The following ST8SIA2 variants were observed in gnomAD, a reference collection of about 807,000 sequenced individuals.
ST8SIA2 encodes the protein ST8 alpha-N-acetyl-neuraminide alpha-2,8-sialyltransferase 2.
A neutral mutation model predicts 37.6 loss-of-function variants in ST8SIA2; 22 were observed. The ratio of observed to expected loss-of-function variants is 0.58; its 90% CI spans 0.42 to 0.83. The LOEUF (loss-of-function observed/expected upper bound fraction) is 0.83. ST8SIA2 is among the 40% of genes least tolerant of loss of function. The probability of loss-of-function intolerance (pLI) is 0.00; values close to 1 mark genes in which losing one functional copy is unlikely to be tolerated. For synonymous variants in ST8SIA2, 205 were observed against 201.2 expected (o/e 1.02, Z -0.16); for missense variants, 382 against 484.7 (o/e 0.79, Z 1.99).
At chr15:92,444,543 A>G in intron 4 of ST8SIA2, 93 bp from the exon 5 acceptor site, 1 of 1,524,462 alleles carries the variant, frequency 6.6e-7, no homozygotes, top group Admixed American at 1.7e-5. Context: ...GGGATGAGAA[A>G]GAAGCAAGGA....
intron 1 of ST8SIA2, among the ~76,000 whole-genome samples, chr15:92,421,993 A>T (rs1421057867): frequency 6.6e-6 from 1 of 152,214 alleles, no homozygotes; most frequent in African/African-American, 2.4e-5. Context: ...ACTATAGCTT[A>T]AATTTTGTCA....
chr15:92,438,708 C>T (rs1383603601), intron 4 of ST8SIA2, 98 bp downstream of exon 4: 40 of 1,443,916 alleles, frequency 2.8e-5, no homozygotes, highest in Middle Eastern at 4.7e-4. Context: ...AACAAGAGGC[C>T]CTGGTGGAGT....
At chr15:92,464,018 G>A in intron 5 of ST8SIA2, 82 bp from the exon 6 acceptor site, 7 of 1,502,570 alleles carry the variant, frequency 4.7e-6, no homozygotes, top group Non-Finnish European at 6.2e-6. Context: ...CTGCTGGGCA[G>A]GATAAAATTT....
At chr15:92,410,794 G>A (rs1393385144) in intron 1 of ST8SIA2, among the ~76,000 whole-genome samples, 1 of 152,144 alleles carries the variant, frequency 6.6e-6, no homozygotes, top group East Asian at 1.9e-4. Context: ...CCTACCGTAG[G>A]AGCTCCAAAG....
In ST8SIA2 at chr15:92,438,484, A is replaced by T. The variant is rs1453743305; in HGVS notation, c.422A>T (p.Glu141Val). 6.2e-7 allele frequency: 1 copy of T among 1,614,166 alleles called. No homozygotes were observed. The highest frequency in any genetic ancestry group is 1.1e-5 in the South Asian group (1 of 91,080). ...STMNVSQNLY[E>V]LLPRTSPLKN... The stretch of plus-strand genomic sequence containing the variant: ...ATGAATGTGTCCCAGAACCTCTACG[A>T]GCTCCTCCCCAGGACTTCGCCACTG... Residue 141 changes from glutamate to valine, a missense_variant, in exon 4 of 6, where the codon GAG (glutamate) becomes GTG (valine). Physicochemically the swap from Glu to Val is moderately radical, Grantham distance 121. Transcript: ENST00000268164.
rs1390978740 is a variant in ST8SIA2, at chr15:92,467,800, C to G, written c.*3415C>G. 1 of 152,972 alleles carries G rather than the reference C, an allele frequency of 6.5e-6. No individual in the cohort carries two copies. Among genetic ancestry groups the G allele is most frequent in the Non-Finnish European group, 1.5e-5 (1 of 68,522 alleles). 9.5% of individuals were successfully genotyped at this position (152,972 alleles called of 1,614,324 possible). A position where few individuals can be genotyped will look rare whatever the true frequency, so the allele number is the denominator to read the frequency against. ...AGCAACCTCACACCTGCCTTCAGAC[C>G]CGGCTGCAACTTCCTAAGCTGCCCC... On this transcript the variant is annotated 3_prime_UTR_variant, in exon 6 of 6. Transcript: ENST00000268164.
chr15:92,444,493 G>C (rs981980949), intron 4 of ST8SIA2, 143 bp from the exon 5 acceptor site: 2 of 926,312 alleles, frequency 2.2e-6, no homozygotes, highest in African/African-American at 1.6e-5. Context: ...ATGATGGGAG[G>C]GGCCTGTGAG....
intron 5 of ST8SIA2, among the ~76,000 whole-genome samples, chr15:92,449,622 T>C (rs983190486): frequency 6.6e-6 from 1 of 152,234 alleles, no homozygotes; most frequent in Non-Finnish European, 1.5e-5. Flanking sequence ...ATCCCAACAA[T>C]ATATAAGCAT....
rs1596253925 is a variant in ST8SIA2, at chr15:92,466,033, A to G, written c.*1648A>G. On this transcript the variant is annotated 3_prime_UTR_variant, in exon 6 of 6. Transcript: ENST00000268164. The stretch of plus-strand genomic sequence containing the variant: ...CCTGCTCCTAAGCATATGAGACCAG[A>G]TGTAATTAATCAATGGCAATGCAGA... 1 of 152,210 alleles carries G rather than the reference A, an allele frequency of 6.6e-6. No homozygotes were observed. The highest frequency in any genetic ancestry group is 1.5e-5 in the Non-Finnish European group (1 of 68,042). 9.4% of individuals were successfully genotyped at this position (152,210 alleles called of 1,614,324 possible).
chr15:92,438,730 C>G (rs747226015), intron 4 of ST8SIA2, 120 bp downstream of exon 4: 1 of 1,365,748 alleles, frequency 7.3e-7, no homozygotes, highest in South Asian at 1.5e-5. Flanking sequence ...AGCCCCTGCT[C>G]TCAACCATGA....
In ST8SIA2 at chr15:92,464,485, G is replaced by A; in HGVS notation, c.*100G>A. On this transcript the variant is annotated 3_prime_UTR_variant, in exon 6 of 6. Transcript: ENST00000268164. ...CACAAACAATAGAACAAGCAGGCTA[G>A]TGGTTTTCTTTGTTAAAGTGTAAAA... is the stretch of plus-strand genomic sequence containing the variant. 3 of 1,380,682 alleles carry A rather than the reference G, an allele frequency of 2.2e-6. No homozygotes were observed. The highest frequency in any genetic ancestry group is 3.1e-6 in the Non-Finnish European group (3 of 971,460). 85.5% of individuals were successfully genotyped at this position (1,380,682 alleles called of 1,614,324 possible).
intron 1 of ST8SIA2, among the ~76,000 whole-genome samples, chr15:92,419,684 G>T (rs1413065006): frequency 1.3e-5 from 2 of 152,170 alleles, no homozygotes; most frequent in African/African-American, 4.8e-5. Flanking sequence ...ACCAGCAAAG[G>T]CTCTATAGCC....
intron 3 of ST8SIA2, 21 bp downstream of exon 3, chr15:92,434,396 G>C: frequency 6.2e-7 from 1 of 1,614,102 alleles, no homozygotes; most frequent in Non-Finnish European, 8.5e-7. Flanking sequence ...TTACCTACAG[G>C]ACAAGAGGTA....
At position 92,467,145 on chromosome 15, in the gene ST8SIA2, C is replaced by T. The variant is rs2049998354; in HGVS notation, c.*2760C>T. 1.3e-5 allele frequency: 2 copies of T among 152,832 alleles called. No individual in the cohort carries two copies. Among genetic ancestry groups the T allele is most frequent in the Non-Finnish European group, 2.9e-5 (2 of 68,136 alleles). The allele number at this position is 152,832 out of a possible 1,614,324, so 9.5% of individuals were successfully genotyped here. ...CCATTCACCTCAAGCCCCAACAGGCCCCTGTCATTCCACTTCATGGAAGAG... is the reference window on the plus strand; with the variant it reads ...CCATTCACCTCAAGCCCCAACAGGCTCCTGTCATTCCACTTCATGGAAGAG... On this transcript the variant is annotated 3_prime_UTR_variant, in exon 6 of 6. Coordinates refer to ENST00000268164, the MANE Select transcript of ST8SIA2 (RefSeq NM_006011.4).
chr15:92,442,616 C>T (rs1300340783), intron 4 of ST8SIA2, among the ~76,000 whole-genome samples: 1 of 152,118 alleles, frequency 6.6e-6, no homozygotes, highest in Non-Finnish European at 1.5e-5. Context: ...AAGCCTGGCT[C>T]AGCCGGGTTT....
At chr15:92,394,614 G>A (rs1269622682) in intron 1 of ST8SIA2, among the ~76,000 whole-genome samples, 1 of 152,192 alleles carries the variant, frequency 6.6e-6, no homozygotes, top group Non-Finnish European at 1.5e-5. Context: ...CTCTGAGCTG[G>A]GGGAGGGGTT....
chr15:92,443,407 A>T (rs1024396594), intron 4 of ST8SIA2, among the ~76,000 whole-genome samples: 1 of 152,200 alleles, frequency 6.6e-6, no homozygotes, highest in African/African-American at 2.4e-5. Context: ...TAAATAGCAG[A>T]GGCTGCTCAC....
intron 5 of ST8SIA2, among the ~76,000 whole-genome samples, chr15:92,448,433 C>T (rs1030038767): frequency 3.3e-5 from 5 of 152,178 alleles, no homozygotes; most frequent in African/African-American, 1.2e-4. Flanking sequence ...GGATGCAGTA[C>T]AAAGTCACAC....
At chr15:92,401,772 A>T (rs2049473431) in intron 1 of ST8SIA2, among the ~76,000 whole-genome samples, 1 of 151,112 alleles carries the variant, frequency 6.6e-6, no homozygotes, top group African/African-American at 2.4e-5. Context: ...TGCTTCCTGG[A>T]CCTTTTTTAA....
Sources: allele counts gnomAD v4.1 joint callset (sites outside exome capture counted in the v4.1 genomes callset), GRCh38; gene constraint gnomAD v4.1.1; transcripts MANE v1.5; gene names NCBI Gene and HGNC (gene_info 2026-07-23, HGNC 2026-07-21).